ITIH5: variants seen among roughly 807,000 people sequenced by gnomAD.
ITIH5 encodes inter-alpha-trypsin inhibitor heavy chain H5.
Under a neutral mutation model 77.5 loss-of-function variants are expected in ITIH5, and 65 were observed. That is an observed-to-expected ratio of 0.84 (90% CI 0.69 to 1.03). The LOEUF is 1.03. ITIH5 is among the 50% of genes least tolerant of loss of function. The pLI, the probability that ITIH5 is intolerant of heterozygous loss-of-function variation, is 0.00. For synonymous variants in ITIH5, 525 were observed against 494.3 expected (o/e 1.06, Z -0.82); for missense variants, 1,208 against 1,213.1 (o/e 1.00, Z 0.06).
chr10:7,581,721 CTTTTTTTT>C (rs142992412), intron 8 of ITIH5, among the ~76,000 whole-genome samples: 1 of 101,724 alleles, frequency 9.8e-6, no homozygotes, highest in African/African-American at 3.6e-5. Flanking sequence ...TCTTTTCCTT[CTTTTTTTT>C]TTTTTTTTTT....
At chr10:7,574,377 A>G (rs1832363818) in intron 10 of ITIH5, among the ~76,000 whole-genome samples, 1 of 152,162 alleles carries the variant, frequency 6.6e-6, no homozygotes, top group South Asian at 2.1e-4. Context: ...AGGAAAGAGG[A>G]TGGATGACTG....
At position 7,563,179 on chromosome 10, in the gene ITIH5, G is replaced by T; in HGVS notation, c.2733C>A (p.Ala911=). The part of the protein sequence containing the change: ...QIDCWFARNN[A]AKLIDGEYKD... ...TGTACTCCCCGTCAATCAGTTTGGC[G>T]GCATTGTTCCTGGCAAACCAGCAGT... Residue 911 remains alanine (A), a synonymous_variant, in exon 14 of 14, where the codon GCC becomes GCA. Transcript: ENST00000397146. 6.2e-7 allele frequency: 1 copy of T among 1,614,120 alleles called. No individual in the cohort carries two copies. The highest frequency in any genetic ancestry group is 8.5e-7 in the Non-Finnish European group (1 of 1,179,968).
At chr10:7,591,399 G>A (rs561767420) in intron 7 of ITIH5, among the ~76,000 whole-genome samples, 14 of 152,220 alleles carry the variant, frequency 9.2e-5, no homozygotes, top group African/African-American at 2.4e-4. Flanking sequence ...TTCCTGACAC[G>A]TTGAGCTGTA....
intron 7 of ITIH5, 66 bp downstream of exon 7, chr10:7,615,916 G>T: frequency 2.0e-6 from 2 of 1,009,026 alleles, no homozygotes; most frequent in Non-Finnish European, 1.6e-6. Flanking sequence ...AACTTTATTC[G>T]CAAAGCAAGT....
chr10:7,608,494 C>A (rs1833176908), intron 7 of ITIH5, among the ~76,000 whole-genome samples: 1 of 151,892 alleles, frequency 6.6e-6, no homozygotes. Context: ...TGCTGCCCAG[C>A]CTCGTCTCGA....
intron 5 of ITIH5, chr10:7,620,884 A>T (rs1391175774): frequency 1.3e-5 from 2 of 152,138 alleles, no homozygotes; most frequent in Non-Finnish European, 2.9e-5. Context: ...ATCCCATTAG[A>T]AGGGCTCAAG....
chr10:7,635,859 C>A (rs1279541950), intron 5 of ITIH5, among the ~76,000 whole-genome samples: 1 of 152,186 alleles, frequency 6.6e-6, no homozygotes, highest in South Asian at 2.1e-4. Context: ...TCCCTAAATA[C>A]CCTGGTCCAA....
At chr10:7,607,681 C>T (rs886375093) in intron 7 of ITIH5, among the ~76,000 whole-genome samples, 1 of 152,138 alleles carries the variant, frequency 6.6e-6, no homozygotes, top group East Asian at 1.9e-4. Context: ...GGTGTGGCGG[C>T]GCATGCCTGT....
intron 2 of ITIH5, among the ~76,000 whole-genome samples, chr10:7,646,423 A>G (rs1834011203): frequency 6.6e-6 from 1 of 152,238 alleles, no homozygotes. Flanking sequence ...ATATCCTTCC[A>G]TAAATATATA....
At chr10:7,585,483 G>A (rs1293634085) in intron 8 of ITIH5, among the ~76,000 whole-genome samples, 1 of 152,064 alleles carries the variant, frequency 6.6e-6, no homozygotes, top group Non-Finnish European at 1.5e-5. Context: ...CTACCAAGAG[G>A]GCTCCTTGTT....
At position 7,576,624 on chromosome 10, in the gene ITIH5, G is replaced by A; in HGVS notation, c.1807C>T (p.Gln603Ter). 6.2e-7 allele frequency: 1 copy of A among 1,614,086 alleles called. No homozygotes were observed. Among genetic ancestry groups the A allele is most frequent in the South Asian group, 1.1e-5 (1 of 91,086 alleles). ...DDEPEKERLR[Q>*]RAQALAVSYR... ...CTCACAGCCAGGGCCTGGGCCCGCTGCCGCAGCCGCTCCTTCTCCGGTTCA... is the reference window on the plus strand; with the variant it reads ...CTCACAGCCAGGGCCTGGGCCCGCTACCGCAGCCGCTCCTTCTCCGGTTCA... Residue 603 changes from glutamine to a stop codon, truncating the protein, a stop_gained, in exon 10 of 14, where the codon CAG (glutamine) becomes TAG (stop). Coordinates refer to ENST00000397146, the MANE Select transcript of ITIH5 (RefSeq NM_030569.7). LOFTEE classifies it high-confidence loss of function.
intron 5 of ITIH5, among the ~76,000 whole-genome samples, chr10:7,630,453 G>C (rs188899650): frequency 2.0e-5 from 3 of 152,146 alleles, no homozygotes; most frequent in Non-Finnish European, 4.4e-5. Context: ...AGCAATGTAC[G>C]AGGGTCCTAA....
intron 8 of ITIH5, 75 bp downstream of exon 8, chr10:7,585,826 A>C (rs1276841233): frequency 5.3e-6 from 3 of 565,856 alleles, no homozygotes; most frequent in South Asian, 7.4e-5. Flanking sequence ...ATCTCTTGGC[A>C]AAAAAAAAAA....
chr10:7,635,651 A>G (rs1480931500), intron 5 of ITIH5, among the ~76,000 whole-genome samples: 1 of 152,200 alleles, frequency 6.6e-6, no homozygotes, highest in Non-Finnish European at 1.5e-5. Context: ...GGAAACGCTC[A>G]GTCTGTGAGA....
intron 11 of ITIH5, chr10:7,572,855 G>T: frequency 4.6e-6 from 1 of 218,578 alleles, no homozygotes. Context: ...TCGGCTCACT[G>T]TAACCTCAAC....
At chr10:7,658,313 T>A (rs575703700) in intron 1 of ITIH5, among the ~76,000 whole-genome samples, 24 of 152,210 alleles carry the variant, frequency 1.6e-4, no homozygotes, top group Admixed American at 1.3e-3. Context: ...CCACCCAAAA[T>A]ATATATATAC....
At chr10:7,655,258 G>A (rs1427967817) in intron 2 of ITIH5, among the ~76,000 whole-genome samples, 1 of 152,134 alleles carries the variant, frequency 6.6e-6, no homozygotes, top group African/African-American at 2.4e-5. Flanking sequence ...TTCATCACGT[G>A]ATGCTTTAGT....
At chr10:7,602,334 T>C (rs1054807403) in intron 7 of ITIH5, among the ~76,000 whole-genome samples, 1 of 152,214 alleles carries the variant, frequency 6.6e-6, no homozygotes, top group Non-Finnish European at 1.5e-5. Flanking sequence ...GAAAACTCAA[T>C]ACATAATATT....
intron 7 of ITIH5, among the ~76,000 whole-genome samples, chr10:7,611,360 G>T (rs1833240919): frequency 6.6e-6 from 1 of 152,240 alleles, no homozygotes; most frequent in African/African-American, 2.4e-5. Context: ...ATTATTTTAT[G>T]ATTAAAGGTA....
Sources: gnomAD v4.1 joint callset for allele counts (sites outside exome capture counted in the v4.1 genomes callset) on GRCh38, gnomAD v4.1.1 for gene constraint, MANE v1.5 for transcripts, NCBI Gene and HGNC (gene_info 2026-07-23, HGNC 2026-07-21) for gene names.